Variants in SNX9 observed in about 807,000 individuals in gnomAD.
The protein encoded by SNX9 is sorting nexin 9, also known as sorting nexin-9.
Under a neutral mutation model 89.4 loss-of-function variants are expected in SNX9, and 44 were observed. The observed-to-expected ratio is 0.49, with a 90% CI of 0.39 to 0.63. The LOEUF (loss-of-function observed/expected upper bound fraction) is 0.63. SNX9 is among the 30% of genes least tolerant of loss of function. SNX9 has a pLI of 0.00. For missense variants in SNX9, 578 were observed against 736.1 expected (o/e 0.79, Z 2.49); for synonymous variants, 236 against 247.8 (o/e 0.95, Z 0.45).
At chr6:157,932,054 C>A in intron 12 of SNX9, 141 bp from the exon 13 acceptor site, 1 of 666,808 alleles carries the variant, frequency 1.5e-6, no homozygotes, top group Non-Finnish European at 2.6e-6. Context: ...AAAACAATCA[C>A]TTTTGCAACA....
At chr6:157,899,919 G>A (rs1270005600) in intron 5 of SNX9, among the ~76,000 whole-genome samples, 9 of 151,572 alleles carry the variant, frequency 5.9e-5, no homozygotes, top group African/African-American at 1.7e-4. Context: ...GTGTATATGT[G>A]CAAGTGCGTG....
At chr6:157,922,713 G>A (rs1237742279) in intron 10 of SNX9, among the ~76,000 whole-genome samples, 1 of 152,202 alleles carries the variant, frequency 6.6e-6, no homozygotes, top group Non-Finnish European at 1.5e-5. Context: ...TTGGGAATTA[G>A]ACAACATGGA....
At chr6:157,842,269 C>T (rs1240668584) in intron 1 of SNX9, among the ~76,000 whole-genome samples, 1 of 152,154 alleles carries the variant, frequency 6.6e-6, no homozygotes, top group Admixed American at 6.5e-5. Flanking sequence ...TGAGTCTGCC[C>T]ATGTTAATGT....
intron 2 of SNX9, among the ~76,000 whole-genome samples, chr6:157,871,303 C>T (rs1243796096): frequency 6.6e-6 from 1 of 152,010 alleles, no homozygotes; most frequent in African/African-American, 2.4e-5. Context: ...GTCACTTGAG[C>T]CCAGGAGTTC....
intron 12 of SNX9, among the ~76,000 whole-genome samples, chr6:157,929,978 A>G (rs1216366321): frequency 6.6e-6 from 1 of 152,172 alleles, no homozygotes; most frequent in African/African-American, 2.4e-5. Context: ...ACCCATGCCC[A>G]TTTATTTGTA....
At chr6:157,912,318 T>C (rs952007336) in intron 9 of SNX9, among the ~76,000 whole-genome samples, 1 of 152,260 alleles carries the variant, frequency 6.6e-6, no homozygotes, top group Non-Finnish European at 1.5e-5. Flanking sequence ...GAAATTCTCA[T>C]ATCTTTTAGA....
rs779691088 is a variant in SNX9, at chr6:157,873,209, T to C, written c.174+33T>C. 3.4e-6 allele frequency: 5 copies of C among 1,492,022 alleles called. No individual in the cohort carries two copies. The South Asian group carries it at 4.4e-5, about 13-fold the overall frequency. The allele number at this position is 1,492,022 out of a possible 1,614,324, so 92.4% of individuals were successfully genotyped here. ...CTTCCTGTCATTCATTCATTAGAGC[T>C]CATCTTTGCCAGGCATCTTTTTATG... On this transcript the variant is annotated intron_variant, in intron 3 of 17. Transcript: ENST00000392185.
At chr6:157,891,132 A>G (rs556052209) in intron 4 of SNX9, among the ~76,000 whole-genome samples, 49 of 149,376 alleles carry the variant, frequency 3.3e-4, no homozygotes, top group African/African-American at 1.2e-3. Flanking sequence ...TCCAGGTTCA[A>G]GCGATTCTCC....
intron 1 of SNX9, among the ~76,000 whole-genome samples, chr6:157,852,811 C>T (rs910017259): frequency 5.3e-5 from 8 of 152,076 alleles, no homozygotes; most frequent in Middle Eastern, 3.2e-3. Flanking sequence ...TGAGTTTGTG[C>T]GATCTGTCCA....
In SNX9 at chr6:157,944,035, C is replaced by G. The variant is rs1784094519; in HGVS notation, c.*1197C>G. ...ATCCGAAACTTCACACAGGGTGTTT[C>G]TGAGCACCAGCACTTCCAGCGCTTC... On this transcript the variant is annotated 3_prime_UTR_variant, in exon 18 of 18. Coordinates refer to ENST00000392185, the MANE Select transcript of SNX9 (RefSeq NM_016224.5). 1 of 152,364 alleles carries G rather than the reference C, an allele frequency of 6.6e-6. No homozygotes were observed. The highest frequency in any genetic ancestry group is 2.4e-5 in the African/African-American group (1 of 41,452). The allele number at this position is 152,364 out of a possible 1,614,324, so 9.4% of individuals were successfully genotyped here.
intron 5 of SNX9, among the ~76,000 whole-genome samples, chr6:157,899,192 C>G (rs1313672147): frequency 6.6e-6 from 1 of 151,962 alleles, no homozygotes; most frequent in East Asian, 1.9e-4. Flanking sequence ...ACTGATGCTG[C>G]TTAATTACTT....
At chr6:157,872,861 A>G in intron 2 of SNX9, 1 of 335,856 alleles carries the variant, frequency 3.0e-6, no homozygotes, top group Non-Finnish European at 5.5e-6. Flanking sequence ...TCTAATCATC[A>G]GCTGTTTTCA....
intron 1 of SNX9, among the ~76,000 whole-genome samples, chr6:157,859,502 T>G (rs367905255): frequency 3.3e-5 from 5 of 152,372 alleles, no homozygotes; most frequent in African/African-American, 1.2e-4. Context: ...TAGTAGAAGC[T>G]ATATTGGGGT....
At chr6:157,827,490 C>CTTATAGTTTATATATTATATAAACATATA (rs1781395001) in intron 1 of SNX9, among the ~76,000 whole-genome samples, 1 of 2,560 alleles carries the variant, frequency 3.9e-4, no homozygotes, top group Non-Finnish European at 5.9e-4. Flanking sequence ...AATATATAAA[C>CTTATAGTTTATATATTATATAAACATATA]TTATAGTTTA....
intron 1 of SNX9, among the ~76,000 whole-genome samples, chr6:157,839,241 AT>A (rs1781646091): frequency 6.6e-6 from 1 of 152,192 alleles, no homozygotes; most frequent in Non-Finnish European, 1.5e-5. Flanking sequence ...TGTTGAGGTC[AT>A]TGGCATTCCT....
At position 157,926,969 on chromosome 6, in the gene SNX9, T is replaced by G; in HGVS notation, c.1081-142T>G. ...TCGGAGTATAAAGGTATTTAGTCCA[T>G]GGTGCAGAGGGAGATAGAGTGGGAG... On this transcript the variant is annotated intron_variant, in intron 10 of 17. Transcript: ENST00000392185. 9.7e-6 allele frequency: 6 copies of G among 620,008 alleles called. No homozygotes were observed. In the South Asian group the frequency reaches 1.2e-4, roughly 12 times the overall value. The allele number at this position is 620,008 out of a possible 1,614,324, so 38.4% of individuals were successfully genotyped here.
chr6:157,836,185 A>C (rs995874628), intron 1 of SNX9, among the ~76,000 whole-genome samples: 2 of 152,160 alleles, frequency 1.3e-5, no homozygotes, highest in Non-Finnish European at 2.9e-5. Flanking sequence ...TCTGGGCTCA[A>C]ACATTCCTCC....
chr6:157,898,060 A>G (rs1179851513), intron 5 of SNX9, among the ~76,000 whole-genome samples: 4 of 152,196 alleles, frequency 2.6e-5, no homozygotes, highest in Non-Finnish European at 1.5e-5. Context: ...TACACCTTGC[A>G]CACCTAACAT....
chr6:157,833,311 A>T (rs1781511026), intron 1 of SNX9, among the ~76,000 whole-genome samples: 1 of 152,142 alleles, frequency 6.6e-6, no homozygotes, highest in African/African-American at 2.4e-5. Context: ...TTAATTAAAA[A>T]CTTACTGTCT....
Sources: gnomAD v4.1 joint callset for allele counts (sites outside exome capture counted in the v4.1 genomes callset) on GRCh38, gnomAD v4.1.1 for gene constraint, MANE v1.5 for transcripts, NCBI Gene and HGNC (gene_info 2026-07-23, HGNC 2026-07-21) for gene names.